TBX21: variants seen among roughly 807,000 people sequenced by gnomAD.
The protein encoded by TBX21 is T-box transcription factor 21.
TBX21 carries 11 observed loss-of-function variants against 52.2 expected under a neutral mutation model. The observed-to-expected ratio is 0.21, with a 90% confidence interval of 0.13 to 0.35. The LOEUF (loss-of-function observed/expected upper bound fraction) is 0.35, where lower values mean the gene tolerates loss of function less well. Ranked by LOEUF, TBX21 falls within the 10% of genes least tolerant of loss-of-function variation. TBX21 has a pLI of 1.00. For synonymous variants in TBX21, 300 were observed against 316.1 expected (o/e 0.95, Z 0.54); for missense variants, 625 against 755.1 (o/e 0.83, Z 2.02).
chr17:47,744,753 A>T lies in TBX21; in HGVS notation c.995A>T (p.Tyr332Phe), dbSNP rs781184801. 3 of 1,612,720 alleles carry T rather than the reference A, an allele frequency of 1.9e-6. No individual in the cohort carries two copies. The highest frequency in any genetic ancestry group is 2.2e-5 in the South Asian group (2 of 90,956). Reference sequence around the variant, plus strand: ...TGCCTTCTATTTTTTTCTAGCATGTACACATCTGTTGACACCAGCATCCCC... The same window carrying T: ...TGCCTTCTATTTTTTTCTAGCATGTTCACATCTGTTGACACCAGCATCCCC... The part of the protein sequence containing the change: ...KGFRENFESM[Y>F]TSVDTSIPSP... Residue 332 changes from tyrosine to phenylalanine, a missense_variant, in exon 6 of 6, where the codon TAC becomes TTC. Around this residue, in one of 4 missense-constraint regions of TBX21, gnomAD observed 261 missense variants for 275.1 expected, o/e 0.95. Coordinates refer to ENST00000177694, the MANE Select transcript of TBX21 (RefSeq NM_013351.2).
rs1044486576 is a variant in TBX21 at position 47,744,809 on chromosome 17, G to A, written c.1051G>A (p.Gly351Arg). The A allele has an allele frequency of 6.2e-7, 1 of 1,614,110 alleles. No homozygotes were observed. ...GCCTGGACCCAACTGTCAATTCCTT[G>A]GGGGAGATCACTACTCTCCTCTCCT... Reference protein sequence around the residue: ...SPPGPNCQFLGGDHYSPLLPN... With the variant: ...SPPGPNCQFLRGDHYSPLLPN... The change falls in exon 6 of 6, where the codon GGG becomes AGG. Residue 351 changes from glycine (G) to arginine (R), a missense_variant. By Grantham distance (125) the Gly-to-Arg change is moderately radical. Coordinates refer to ENST00000177694, the MANE Select transcript of TBX21 (RefSeq NM_013351.2).
At position 47,733,639 on chromosome 17, in the gene TBX21, C is replaced by T. The variant is rs1170624746; in HGVS notation, c.185C>T (p.Ala62Val). The change falls in exon 1 of 6, where the codon GCC becomes GTC. Residue 62 changes from alanine to valine, a missense_variant. Around this residue, in one of 4 missense-constraint regions of TBX21, gnomAD observed 221 missense variants for 204.9 expected, o/e 1.08. Coordinates refer to ENST00000177694, the MANE Select transcript of TBX21 (RefSeq NM_013351.2). This position sits in a 1 kb window ranked among gnomAD's most constrained non-coding sequence, Gnocchi z 6.6. ...GSLGSPYPGG[A>V]LVPAPPSRFL... ...CTGGGGTCTCCCTACCCGGGGGGCG[C>T]CTTGGTGCCCGCCCCGCCGAGCCGC... is the stretch of plus-strand genomic sequence containing the variant. The T allele has an allele frequency of 1.4e-6, 2 of 1,448,922 alleles. No homozygotes were observed. Among genetic ancestry groups the T allele is most frequent in the Non-Finnish European group, 9.0e-7 (1 of 1,105,634 alleles). 89.8% of individuals were successfully genotyped at this position (1,448,922 alleles called of 1,614,324 possible).
chr17:47,742,955 C>G lies in TBX21; in HGVS notation c.647-116C>G. 1.3e-6 allele frequency: 2 copies of G among 1,533,194 alleles called. No individual in the cohort carries two copies. The highest frequency in any genetic ancestry group is 1.8e-6 in the Non-Finnish European group (2 of 1,142,610). The allele number at this position is 1,533,194 out of a possible 1,614,324, so 95.0% of individuals were successfully genotyped here. On this transcript the variant is annotated intron_variant, in intron 2 of 5. Coordinates refer to ENST00000177694, the MANE Select transcript of TBX21 (RefSeq NM_013351.2). The surrounding 1 kb of genome is among the most constrained non-coding windows in gnomAD (Gnocchi z 4.4). ...GTCCTCTGCTGAGTCCTCTGCCCTT[C>G]CCTGCCTGGTCCTCCCCCTGTGTCC...
chr17:47,735,050 G>C (rs2032193059), intron 1 of TBX21, among the ~76,000 whole-genome samples: 1 of 152,094 alleles, frequency 6.6e-6, no homozygotes, highest in Non-Finnish European at 1.5e-5. Context: ...GCCCATGTGA[G>C]CAGGGGACCA....
chr17:47,745,030 G>T lies in TBX21; in HGVS notation c.1272G>T (p.Glu424Asp), dbSNP rs750645061. 1.2e-6 allele frequency: 2 copies of T among 1,612,534 alleles called. No homozygotes were observed. Among genetic ancestry groups the T allele is most frequent in the African/African-American group, 2.7e-5 (2 of 74,944 alleles). The change falls in exon 6 of 6, where the codon GAG (glutamate) becomes GAT (aspartate). Residue 424 changes from glutamate to aspartate, a missense_variant. Transcript: ENST00000177694. ...CCATGTCCTACTACCGAGGCCAGGA[G>T]GTCCTGGCACCTGGAGCTGGCTGGC... ...GPTMSYYRGQ[E>D]VLAPGAGWPV...
At chr17:47,734,599 G>A (rs59709252) in intron 1 of TBX21, among the ~76,000 whole-genome samples, 3,209 of 127,426 alleles carry the variant, frequency 0.025, 24 homozygotes, top group Middle Eastern at 0.064. Context: ...GTGTGTGTGT[G>A]TGTGTGTGTG....
intron 1 of TBX21, among the ~76,000 whole-genome samples, chr17:47,736,042 G>A (rs1264001088): frequency 1.3e-5 from 2 of 152,210 alleles, no homozygotes; most frequent in Admixed American, 6.5e-5. Context: ...GAGCACTTCA[G>A]GGAGGCACTT....
Position 47,733,630 on chromosome 17 carries a change from CG to C in TBX21, c.182del (p.Gly61AlafsTer77), listed in dbSNP as rs1555625645. On this transcript the variant is annotated frameshift_variant, in exon 1 of 6. Transcript: ENST00000177694. LOFTEE classifies it high-confidence loss of function. This position sits in a 1 kb window ranked among gnomAD's most constrained non-coding sequence, Gnocchi z 6.6. Reference protein sequence around the residue: ...RGGGSLGSPYPGGALVPAPPS... With the variant: ...RGGGSLGSPYXGGALVPAPPS... ...GGCGGCAGCCTGGGGTCTCCCTACC[CG>C]GGGGGCGCCTTGGTGCCCGCCCCGC... 2.8e-6 allele frequency: 4 copies of C among 1,449,144 alleles called. No homozygotes were observed. The highest frequency in any genetic ancestry group is 2.7e-5 in the Admixed American group (1 of 37,100). The allele number at this position is 1,449,144 out of a possible 1,614,324, so 89.8% of individuals were successfully genotyped here.
At chr17:47,737,614 C>T (rs191400640) in intron 1 of TBX21, among the ~76,000 whole-genome samples, 14 of 151,798 alleles carry the variant, frequency 9.2e-5, no homozygotes, top group Middle Eastern at 3.4e-3. Flanking sequence ...TAACTTTAGT[C>T]GATAACTTTC....
intron 1 of TBX21, among the ~76,000 whole-genome samples, chr17:47,734,392 C>T (rs1270173727): frequency 6.6e-6 from 1 of 152,050 alleles, no homozygotes; most frequent in Non-Finnish European, 1.5e-5. Flanking sequence ...CCCACCTCCC[C>T]CGGCTCCTTT....
At position 47,733,400 on chromosome 17, in the gene TBX21, C is replaced by CG; in HGVS notation, c.-54dup. The CG allele has an allele frequency of 1.4e-6, 2 of 1,426,150 alleles. No individual in the cohort carries two copies. The highest frequency in any genetic ancestry group is 9.1e-7 in the Non-Finnish European group (1 of 1,096,426). The allele number at this position is 1,426,150 out of a possible 1,614,324, so 88.3% of individuals were successfully genotyped here. Reference sequence around the variant, plus strand: ...CCCATCCCAGCCCACGCGACCCTCTCGCGCGCGGAGGGGCGGGTCCTCGAC... The same window carrying CG: ...CCCATCCCAGCCCACGCGACCCTCTCGGCGCGCGGAGGGGCGGGTCCTCGAC... On this transcript the variant is annotated 5_prime_UTR_variant, in exon 1 of 6. Coordinates refer to ENST00000177694, the MANE Select transcript of TBX21 (RefSeq NM_013351.2). This position sits in a 1 kb window ranked among gnomAD's most constrained non-coding sequence, Gnocchi z 6.6.
At chr17:47,736,652 A>G (rs890549548) in intron 1 of TBX21, among the ~76,000 whole-genome samples, 20 of 152,102 alleles carry the variant, frequency 1.3e-4, no homozygotes, top group African/African-American at 4.8e-4. Flanking sequence ...ACCCCAATTC[A>G]GTCCCACTAG....
intron 3 of TBX21, among the ~76,000 whole-genome samples, chr17:47,743,967 G>T (rs1440768117): frequency 6.6e-6 from 1 of 151,986 alleles, no homozygotes; most frequent in Non-Finnish European, 1.5e-5. Flanking sequence ...GGTCTCAATT[G>T]ACATCTGGAG....
Position 47,733,680 on chromosome 17 carries a change from G to T in TBX21, c.226G>T (p.Ala76Ser). The T allele has an allele frequency of 7.0e-7, 1 of 1,437,280 alleles. No individual in the cohort carries two copies. Among genetic ancestry groups the T allele is most frequent in the African/African-American group, 1.5e-5 (1 of 66,960 alleles). 89.0% of individuals were successfully genotyped at this position (1,437,280 alleles called of 1,614,324 possible). A position where few individuals can be genotyped will look rare whatever the true frequency, so the allele number is the denominator to read the frequency against. The change falls in exon 1 of 6, where the codon GCC becomes TCC. Residue 76 changes from alanine to serine, a missense_variant. Physicochemically the swap from Ala to Ser is moderately conservative, Grantham distance 99 (BLOSUM62 1). Coordinates refer to ENST00000177694, the MANE Select transcript of TBX21 (RefSeq NM_013351.2). This position sits in a 1 kb window ranked among gnomAD's most constrained non-coding sequence, Gnocchi z 6.6. ...APPSRFLGAY[A>S]YPPRPQAAGF... ...GCCGAGCCGCTTCCTTGGAGCCTACGCCTACCCGCCGCGACCCCAGGCGGC... is the reference window on the plus strand; with the variant it reads ...GCCGAGCCGCTTCCTTGGAGCCTACTCCTACCCGCCGCGACCCCAGGCGGC...
At chr17:47,734,554 G>GGTGTGTGTGTGTGTGTGTGTGTGTGTGT (rs55690005) in intron 1 of TBX21, among the ~76,000 whole-genome samples, 4 of 102,936 alleles carry the variant, frequency 3.9e-5, no homozygotes, top group African/African-American at 4.0e-5. Flanking sequence ...TCATATGTCT[G>GGTGTGTGTGTGTGTGTGTGTGTGTGTGT]GTGTGTGTGT....
intron 1 of TBX21, among the ~76,000 whole-genome samples, chr17:47,734,870 C>A (rs967397610): frequency 6.6e-6 from 1 of 151,854 alleles, no homozygotes; most frequent in Non-Finnish European, 1.5e-5. Context: ...GGTTCCTGAG[C>A]CCCGTGCGTG....
intron 1 of TBX21, among the ~76,000 whole-genome samples, chr17:47,736,241 A>C (rs996904167): frequency 1.3e-5 from 2 of 152,204 alleles, no homozygotes; most frequent in African/African-American, 4.8e-5. Flanking sequence ...ACAGACTTCC[A>C]TCCCCAGCTT....
chr17:47,735,175 G>T (rs933005537), intron 1 of TBX21, among the ~76,000 whole-genome samples: 1 of 152,042 alleles, frequency 6.6e-6, no homozygotes, highest in Non-Finnish European at 1.5e-5. Context: ...GAGGGAGAAG[G>T]CCATGTTGGA....
rs55690005 is a variant in TBX21, at chr17:47,734,554, GGTGTGTGTGTGTGTGTGTGTGTGTGTGT to G, written c.491+638_491+665del. Among the ~76,000 whole-genome samples the G allele has an allele frequency of 1.1e-4, 11 of 102,988 alleles. No homozygotes were observed. The East Asian group carries it at 2.7e-3, about 25-fold the overall frequency. The allele number at this position is 102,988 out of a possible 152,430, so 67.6% of individuals were successfully genotyped here. On this transcript the variant is annotated intron_variant, in intron 1 of 5. Coordinates refer to ENST00000177694, the MANE Select transcript of TBX21 (RefSeq NM_013351.2). ...GGTCTTACTTTGAGATCATATGTCTGGTGTGTGTGTGTGTGTGTGTGTGTGTGTGTGTGTGTGTGTGTGTGTGTGTGTG... is the reference window on the plus strand; with the variant it reads ...GGTCTTACTTTGAGATCATATGTCTGGTGTGTGTGTGTGTGTGTGTGTGTG...
Sources: gnomAD v4.1 joint callset for allele counts (sites outside exome capture counted in the v4.1 genomes callset) on GRCh38, gnomAD v4.1.1 for gene constraint, gnomAD v4.1.1 regional missense constraint, Gnocchi (gnomAD v3.1) non-coding constraint, MANE v1.5 for transcripts, NCBI Gene and HGNC (gene_info 2026-07-23, HGNC 2026-07-21) for gene names.